The following ANK2 variants were observed in gnomAD, a reference collection of about 807,000 sequenced individuals.
ANK2 encodes ankyrin-2.
Under a neutral mutation model 360.5 loss-of-function variants are expected in ANK2, and 83 were observed. The observed-to-expected ratio is 0.23, with a 90% CI of 0.19 to 0.28. The LOEUF (loss-of-function observed/expected upper bound fraction) is 0.28, where lower values mean the gene tolerates loss of function less well. Among genes scored for constraint, ANK2 ranks in the 10% least tolerant of loss-of-function variants. ANK2 has a pLI of 1.00. For missense variants in ANK2, 4,201 were observed against 4,795.7 expected (o/e 0.88, Z 3.66); for synonymous variants, 1,740 against 1,759.5 (o/e 0.99, Z 0.28).
At chr4:113,167,794 A>T (rs2097799972) in intron 1 of ANK2, among the ~76,000 whole-genome samples, 1 of 152,114 alleles carries the variant, frequency 6.6e-6, no homozygotes. Flanking sequence ...ACTACTACTG[A>T]TTTCTAACAC....
chr4:112,759,472 T>G, the ANK2 span, among the ~76,000 whole-genome samples: 1 of 152,178 alleles, frequency 6.6e-6, no homozygotes, highest in Non-Finnish European at 1.5e-5. Context: ...CACATTTGAA[T>G]AGCTATTTTC....
chr4:113,109,907 AG>A (rs765709962), intron 1 of ANK2, among the ~76,000 whole-genome samples: 2 of 152,206 alleles, frequency 1.3e-5, no homozygotes, highest in African/African-American at 2.4e-5. Flanking sequence ...CACACAAAAA[AG>A]CTCAAACATG....
intron 39 of ANK2, 124 bp downstream of exon 39, chr4:113,361,021 C>T (rs776077421): frequency 5.6e-6 from 5 of 895,708 alleles, no homozygotes; most frequent in African/African-American, 1.7e-5. Context: ...GAAGAATAAA[C>T]TAAGAACTAG....
Position 113,354,803 on chromosome 4 carries a change from C to T in ANK2, c.6185C>T (p.Ala2062Val), listed in dbSNP as rs1194235291. 1.2e-6 allele frequency: 2 copies of T among 1,614,092 alleles called. No homozygotes were observed. The highest frequency in any genetic ancestry group is 2.7e-5 in the African/African-American group (2 of 75,032). Reference sequence around the variant, plus strand: ...CAGAGACTCCCGGTAACGGGCACAGCAGAATCCAAAAGAGGAGTTCGTGTT... The same window carrying T: ...CAGAGACTCCCGGTAACGGGCACAGTAGAATCCAAAAGAGGAGTTCGTGTT... ...RGQRLPVTGT[A>V]ESKRGVRVSS... The change falls in exon 38 of 46, where the codon GCA (alanine) becomes GTA (valine). Residue 2062 changes from alanine to valine, a missense_variant. Transcript: ENST00000357077.
At chr4:113,015,264 T>C (rs2056277434) in intron 2 of ANK2, among the ~76,000 whole-genome samples, 1 of 152,170 alleles carries the variant, frequency 6.6e-6, no homozygotes, top group Non-Finnish European at 1.5e-5. Context: ...CTTTCATAAG[T>C]CTTCATTTTC....
chr4:112,811,299 T>G, the ANK2 span, among the ~76,000 whole-genome samples: 1 of 152,216 alleles, frequency 6.6e-6, no homozygotes, highest in Non-Finnish European at 1.5e-5. Context: ...TGTTTCCTTC[T>G]GGTTTCATTT....
rs1307340369 is a variant in ANK2 at position 113,357,688 on chromosome 4, A to G, written c.9070A>G (p.Thr3024Ala). 4 of 1,614,062 alleles carry G rather than the reference A, an allele frequency of 2.5e-6. No homozygotes were observed. Among genetic ancestry groups the G allele is most frequent in the Non-Finnish European group, 3.4e-6 (4 of 1,179,994 alleles). The change falls in exon 38 of 46, where the codon ACA becomes GCA. Residue 3024 changes from threonine to alanine, a missense_variant. This residue lies in a region of ANK2 where 2,642 missense variants were observed against 2,714.5 expected (regional missense o/e 0.97). Coordinates refer to ENST00000357077, the MANE Select transcript of ANK2 (RefSeq NM_001148.6). ...CGAGCCTACTATGTCCGCTACAACA[A>G]CAGTTGTTGGTGAACAAATAAGCAA... is the stretch of plus-strand genomic sequence containing the variant. ...SFEPTMSATT[T>A]VVGEQISKVI...
rs576524564 is a variant in ANK2 at position 113,301,675 on chromosome 4, C to T, written c.2476-1092C>T. 4.6e-5 allele frequency among the ~76,000 whole-genome samples: 7 copies of T among 152,280 alleles called. No homozygotes were observed. The South Asian group carries it at 1.4e-3, about 32-fold the overall frequency. On this transcript the variant is annotated intron_variant, in intron 22 of 45. Coordinates refer to ENST00000357077, the MANE Select transcript of ANK2 (RefSeq NM_001148.6). ...CCAACACCTGGTCACCACCAGGTGT[C>T]TATTCTGTGCTTCTGTGAGTTTTTT... is the stretch of plus-strand genomic sequence containing the variant.
At chr4:112,925,224 C>T (rs1319359019) in intron 2 of ANK2, among the ~76,000 whole-genome samples, 1 of 152,070 alleles carries the variant, frequency 6.6e-6, no homozygotes, top group Non-Finnish European at 1.5e-5. Flanking sequence ...TGAAAATAAT[C>T]ATTATTGAGT....
At chr4:113,060,194 A>C (rs1011356966) in intron 1 of ANK2, among the ~76,000 whole-genome samples, 1 of 152,152 alleles carries the variant, frequency 6.6e-6, no homozygotes, top group Non-Finnish European at 1.5e-5. Context: ...CCGTTTGAAC[A>C]CATGATGTTT....
chr4:113,325,930 T>C (rs1588243493), intron 26 of ANK2, among the ~76,000 whole-genome samples: 4 of 152,186 alleles, frequency 2.6e-5, no homozygotes, highest in African/African-American at 7.2e-5. Context: ...CTGCCTCCTC[T>C]AAACATATTT....
In ANK2 at chr4:113,357,675, G is replaced by A. The variant is rs757224522; in HGVS notation, c.9057G>A (p.Met3019Ile). ...DSVSSSFEPTMSATTTVVGEQ... is the reference protein window; with the variant it reads ...DSVSSSFEPTISATTTVVGEQ... ...TCTCTTCATCTTTCGAGCCTACTAT[G>A]TCCGCTACAACAACAGTTGTTGGTG... Residue 3019 changes from methionine to isoleucine, a missense_variant, in exon 38 of 46, where the codon ATG (methionine) becomes ATA (isoleucine). This residue lies in a region of ANK2 where 2,642 missense variants were observed against 2,714.5 expected (regional missense o/e 0.97). Coordinates refer to ENST00000357077, the MANE Select transcript of ANK2 (RefSeq NM_001148.6). The A allele has an allele frequency of 1.2e-6, 2 of 1,614,146 alleles. No individual in the cohort carries two copies. The highest frequency in any genetic ancestry group is 1.3e-5 in the African/African-American group (1 of 75,052).
At chr4:112,750,532 G>A in the ANK2 span, among the ~76,000 whole-genome samples, 1 of 152,000 alleles carries the variant, frequency 6.6e-6, no homozygotes, top group Non-Finnish European at 1.5e-5. Flanking sequence ...AGACTATACT[G>A]TTATGGGAAA....
chr4:113,259,654 A>T (rs1487907682), intron 13 of ANK2, among the ~76,000 whole-genome samples: 1 of 152,110 alleles, frequency 6.6e-6, no homozygotes, highest in Non-Finnish European at 1.5e-5. Flanking sequence ...ATTGGTCCTA[A>T]GGTCATAATA....
At chr4:113,109,537 T>C (rs571694642) in intron 1 of ANK2, among the ~76,000 whole-genome samples, 2 of 152,308 alleles carry the variant, frequency 1.3e-5, no homozygotes, top group East Asian at 3.9e-4. Flanking sequence ...GGGCTCCCTA[T>C]TGGACTGTGC....
intron 2 of ANK2, among the ~76,000 whole-genome samples, chr4:112,935,792 G>A (rs1384772054): frequency 6.6e-6 from 1 of 151,978 alleles, no homozygotes; most frequent in Non-Finnish European, 1.5e-5. Flanking sequence ...GCAGTGAGCC[G>A]AGATCATGCC....
intron 14 of ANK2, among the ~76,000 whole-genome samples, chr4:113,273,512 A>G (rs1250080048): frequency 1.3e-5 from 2 of 151,966 alleles, no homozygotes; most frequent in Non-Finnish European, 2.9e-5. Flanking sequence ...TTTTGGATAG[A>G]TCTTTCTTCC....
At chr4:112,977,756 G>A (rs1209141651) in intron 2 of ANK2, among the ~76,000 whole-genome samples, 2 of 151,576 alleles carry the variant, frequency 1.3e-5, no homozygotes, top group African/African-American at 2.4e-5. Context: ...TACAGACCCC[G>A]GTATGTGATG....
At chr4:112,901,145 T>G (rs2083228798) in intron 1 of ANK2, among the ~76,000 whole-genome samples, 1 of 152,226 alleles carries the variant, frequency 6.6e-6, no homozygotes, top group African/African-American at 2.4e-5. Context: ...CCTTATACAC[T>G]GTTAGCACTT....
Sources: allele counts gnomAD v4.1 joint callset (sites outside exome capture counted in the v4.1 genomes callset), GRCh38; gene constraint gnomAD v4.1.1; regional missense constraint gnomAD v4.1.1; transcripts MANE v1.5; gene names NCBI Gene and HGNC (gene_info 2026-07-23, HGNC 2026-07-21).